Variants in BCKDHB observed in about 807,000 individuals in gnomAD.
BCKDHB encodes 2-oxoisovalerate dehydrogenase subunit beta, mitochondrial.
In BCKDHB, 41 loss-of-function variants were observed where a neutral mutation model predicts 48.5. The ratio of observed to expected loss-of-function variants is 0.85; its 90% CI spans 0.66 to 1.10. The LOEUF is 1.10. BCKDHB is among the 50% of genes least tolerant of loss of function. BCKDHB has a pLI of 0.00. For missense variants in BCKDHB, 496 were observed against 494.2 expected (o/e 1.00, Z -0.03); for synonymous variants, 201 against 174.8 (o/e 1.15, Z -1.18).
At chr6:80,116,367 T>C (rs1769704966) in intron 1 of BCKDHB, among the ~76,000 whole-genome samples, 1 of 152,270 alleles carries the variant, frequency 6.6e-6, no homozygotes, top group Non-Finnish European at 1.5e-5. Context: ...TTTAGTTTCC[T>C]TAAACGTTTA....
At chr6:80,195,108 T>A (rs1305234667) in intron 6 of BCKDHB, among the ~76,000 whole-genome samples, 1 of 152,180 alleles carries the variant, frequency 6.6e-6, no homozygotes, top group African/African-American at 2.4e-5. Flanking sequence ...TATTGAAAGT[T>A]AATTTTATCT....
intron 8 of BCKDHB, among the ~76,000 whole-genome samples, chr6:80,209,075 T>C (rs1774802436): frequency 6.6e-6 from 1 of 151,904 alleles, no homozygotes; most frequent in Non-Finnish European, 1.5e-5. Context: ...CCTGACTACC[T>C]TGGTAGTGCA....
chr6:80,353,821 C>T, the BCKDHB span, among the ~76,000 whole-genome samples: 1 of 151,568 alleles, frequency 6.6e-6, no homozygotes, highest in East Asian at 2.0e-4. Flanking sequence ...CCACTGTGCT[C>T]CAGCCTGGGC....
intron 9 of BCKDHB, among the ~76,000 whole-genome samples, chr6:80,297,931 A>G (rs1274279864): frequency 6.6e-6 from 1 of 152,172 alleles, no homozygotes; most frequent in Admixed American, 6.5e-5. Context: ...AGAGGGATTT[A>G]TCCACTTCCA....
rs763086318 is a variant in BCKDHB at position 80,129,242 on chromosome 6, C to A, written c.343+13C>A. On this transcript the variant is annotated intron_variant, in intron 3 of 9. Coordinates refer to ENST00000320393, the MANE Select transcript of BCKDHB (RefSeq NM_183050.4). ...CGAGACAAATATGGTAAGTAAATACCTATATGAATAGTATTCTGATAGAAC... is the reference window on the plus strand; with the variant it reads ...CGAGACAAATATGGTAAGTAAATACATATATGAATAGTATTCTGATAGAAC... The A allele has an allele frequency of 6.3e-7, 1 of 1,590,134 alleles. No individual in the cohort carries two copies. Among genetic ancestry groups the A allele is most frequent in the Non-Finnish European group, 8.6e-7 (1 of 1,159,428 alleles).
At chr6:80,362,011 G>T in the BCKDHB span, among the ~76,000 whole-genome samples, 1 of 152,204 alleles carries the variant, frequency 6.6e-6, no homozygotes, top group South Asian at 2.1e-4. Flanking sequence ...TTATTATTTA[G>T]ATATACCATC....
At chr6:80,131,922 T>A (rs1770648941) in intron 3 of BCKDHB, among the ~76,000 whole-genome samples, 1 of 152,202 alleles carries the variant, frequency 6.6e-6, no homozygotes, top group Non-Finnish European at 1.5e-5. Flanking sequence ...ATTACAGGCA[T>A]GAGCCACTGC....
chr6:80,374,662 A>G, the BCKDHB span: 2 of 455,454 alleles, frequency 4.4e-6, no homozygotes, highest in African/African-American at 4.0e-5. Context: ...GTTATTATTG[A>G]GATTTGAGGT....
At chr6:80,198,802 A>G (rs1774249103) in intron 6 of BCKDHB, among the ~76,000 whole-genome samples, 1 of 152,214 alleles carries the variant, frequency 6.6e-6, no homozygotes, top group Admixed American at 6.5e-5. Flanking sequence ...TTAGTTTTCA[A>G]GCAAATGAAA....
intron 9 of BCKDHB, among the ~76,000 whole-genome samples, chr6:80,309,555 GTATT>G (rs1356334490): frequency 1.3e-5 from 2 of 151,988 alleles, no homozygotes; most frequent in Non-Finnish European, 2.9e-5. Context: ...AAAAGAGTAA[GTATT>G]CATGTATTTT....
intron 3 of BCKDHB, among the ~76,000 whole-genome samples, chr6:80,152,298 G>A (rs1281161353): frequency 6.6e-6 from 1 of 151,994 alleles, no homozygotes; most frequent in Non-Finnish European, 1.5e-5. Flanking sequence ...AATTTGTACA[G>A]GTACATAAAT....
chr6:80,348,166 C>G (rs1303358768), downstream of BCKDHB, among the ~76,000 whole-genome samples: 3 of 152,112 alleles, frequency 2.0e-5, no homozygotes, highest in Non-Finnish European at 4.4e-5. Flanking sequence ...ATTCTTCCCT[C>G]TTGCCTGAAC....
chr6:80,392,369 T>TA, the BCKDHB span, among the ~76,000 whole-genome samples: 9 of 151,972 alleles, frequency 5.9e-5, no homozygotes, highest in African/African-American at 1.9e-4. Flanking sequence ...TGTATTTTTT[T>TA]TTTATTTATT....
At chr6:80,196,374 G>A (rs1166871597) in intron 6 of BCKDHB, among the ~76,000 whole-genome samples, 1 of 152,046 alleles carries the variant, frequency 6.6e-6, no homozygotes, top group African/African-American at 2.4e-5. Flanking sequence ...AAGACCCACA[G>A]CAGTTGTATC....
At chr6:80,204,865 C>A (rs1321068990) in intron 8 of BCKDHB, among the ~76,000 whole-genome samples, 2 of 151,926 alleles carry the variant, frequency 1.3e-5, no homozygotes, top group Non-Finnish European at 2.9e-5. Flanking sequence ...ATCTGTTGGT[C>A]GCATCTTTGT....
the BCKDHB span, among the ~76,000 whole-genome samples, chr6:80,376,195 G>A: frequency 2.6e-5 from 4 of 152,148 alleles, no homozygotes; most frequent in South Asian, 4.2e-4. Flanking sequence ...TGTTATGGGG[G>A]ATGGGGGTGT....
At chr6:80,122,064 G>T (rs933635523) in intron 1 of BCKDHB, among the ~76,000 whole-genome samples, 6 of 152,206 alleles carry the variant, frequency 3.9e-5, no homozygotes, top group African/African-American at 9.7e-5. Context: ...AGCATGAAGG[G>T]CTGTTGAATT....
intron 8 of BCKDHB, among the ~76,000 whole-genome samples, chr6:80,213,359 A>G (rs1417853231): frequency 6.6e-6 from 1 of 152,220 alleles, no homozygotes; most frequent in African/African-American, 2.4e-5. Flanking sequence ...CAATTTATCT[A>G]CTTTGAAAGG....
chr6:80,462,410 A>T, the BCKDHB span, among the ~76,000 whole-genome samples: 1 of 152,208 alleles, frequency 6.6e-6, no homozygotes, highest in Non-Finnish European at 1.5e-5. Flanking sequence ...GAAGAAGAAG[A>T]TGCTTCAAAT....
Sources: gnomAD v4.1 joint callset for allele counts (sites outside exome capture counted in the v4.1 genomes callset) on GRCh38, gnomAD v4.1.1 for gene constraint, MANE v1.5 for transcripts, NCBI Gene and HGNC (gene_info 2026-07-23, HGNC 2026-07-21) for gene names.